CHST9: variants seen among roughly 807,000 people sequenced by gnomAD.
CHST9 encodes GalNAc-4-sulfotransferase 2.
Under a neutral mutation model 44.4 loss-of-function variants are expected in CHST9, and 41 were observed. The observed-to-expected ratio is 0.92, with a 90% CI of 0.72 to 1.20. The LOEUF (loss-of-function observed/expected upper bound fraction) is 1.20. Ranked by LOEUF, CHST9 falls within the 50% of genes most tolerant of loss-of-function variation. The pLI, the probability that CHST9 is intolerant of heterozygous loss-of-function variation, is 0.00. For synonymous variants in CHST9, 171 were observed against 178.4 expected (o/e 0.96, Z 0.33); for missense variants, 504 against 516.5 (o/e 0.98, Z 0.23).
At chr18:26,969,122 C>T (rs1467414348) in intron 4 of CHST9, among the ~76,000 whole-genome samples, 1 of 151,970 alleles carries the variant, frequency 6.6e-6, no homozygotes, top group Admixed American at 6.5e-5. Context: ...CCTCAGCCTC[C>T]CAAGTAGTTG....
intron 3 of CHST9, among the ~76,000 whole-genome samples, chr18:27,040,725 G>T (rs919945051): frequency 2.0e-5 from 3 of 152,132 alleles, no homozygotes; most frequent in Admixed American, 1.3e-4. Context: ...ATTCACTTTA[G>T]AAGGTTTTAA....
At chr18:27,123,534 A>C (rs150656393) in intron 2 of CHST9, among the ~76,000 whole-genome samples, 1 of 152,338 alleles carries the variant, frequency 6.6e-6, no homozygotes, top group East Asian at 1.9e-4. Context: ...TGTGGGTTTA[A>C]ATTCTACAGG....
intron 5 of CHST9, among the ~76,000 whole-genome samples, chr18:26,938,861 GGGAA>G (rs576397046): frequency 1.3e-5 from 2 of 152,156 alleles, no homozygotes; most frequent in South Asian, 4.2e-4. Flanking sequence ...TACCTGGGAG[GGGAA>G]GGAAGGATAC....
At position 26,915,348 on chromosome 18, in the gene CHST9, A is replaced by G; in HGVS notation, c.*911T>C. On this transcript the variant is annotated 3_prime_UTR_variant, in exon 6 of 6. Transcript: ENST00000618847. The stretch of plus-strand genomic sequence containing the variant: ...ATAAAGCTATGCACATGATGCTTTG[A>G]TTCAAATAATATACTTATAAAACTT... 5.5e-6 allele frequency: 1 copy of G among 182,136 alleles called. No homozygotes were observed. The highest frequency in any genetic ancestry group is 1.1e-5 in the Non-Finnish European group (1 of 88,378). The allele number at this position is 182,136 out of a possible 1,614,324, so 11.3% of individuals were successfully genotyped here.
intron 2 of CHST9, among the ~76,000 whole-genome samples, chr18:27,139,722 A>T (rs2058549066): frequency 6.6e-6 from 1 of 152,206 alleles, no homozygotes; most frequent in Admixed American, 6.5e-5. Flanking sequence ...CATTTAAAAT[A>T]TATCAAGAAT....
At chr18:27,085,284 C>T (rs1394834262) in intron 2 of CHST9, among the ~76,000 whole-genome samples, 1 of 152,066 alleles carries the variant, frequency 6.6e-6, no homozygotes, top group Non-Finnish European at 1.5e-5. Flanking sequence ...CCTAATTAAA[C>T]TAAAGAGCTT....
In CHST9 at chr18:26,916,896, A is replaced by G. The variant is rs1426996421; in HGVS notation, c.695T>C (p.Met232Thr). The G allele has an allele frequency of 6.2e-7, 1 of 1,613,952 alleles. No homozygotes were observed. The highest frequency in any genetic ancestry group is 2.2e-5 in the East Asian group (1 of 44,866). Residue 232 changes from methionine to threonine, a missense_variant, in exon 6 of 6, where the codon ATG becomes ACG. Met to Thr is a moderately conservative substitution (Grantham distance 81, BLOSUM62 -1). Coordinates refer to ENST00000618847, the MANE Select transcript of CHST9 (RefSeq NM_031422.6). The part of the protein sequence containing the change: ...AGCSNWKRIL[M>T]VLNGLASSAY... ...AGAGGAAGCCAATCCATTTAGTACC[A>G]TCAGAATTCTTTTCCAATTGGAACA...
intron 1 of CHST9, among the ~76,000 whole-genome samples, chr18:27,162,086 T>C (rs2058751923): frequency 6.6e-6 from 1 of 152,254 alleles, no homozygotes; most frequent in African/African-American, 2.4e-5. Flanking sequence ...TGTCTTTCAG[T>C]TGGAGCATTT....
Position 26,917,022 on chromosome 18 carries a change from C to G in CHST9, c.569G>C (p.Gly190Ala). The G allele has an allele frequency of 6.2e-7, 1 of 1,613,930 alleles. No individual in the cohort carries two copies. Among genetic ancestry groups the G allele is most frequent in the Non-Finnish European group, 8.5e-7 (1 of 1,179,878 alleles). Residue 190 changes from glycine (G) to alanine (A), a missense_variant, in exon 6 of 6, where the codon GGT (glycine) becomes GCT (alanine). Transcript: ENST00000618847. ...SFLQEFCKKY[G>A]GVSHHQSHLF... The stretch of plus-strand genomic sequence containing the variant: ...ATGTGACTGATGATGACTCACCCCA[C>G]CGTATTTCTTGCAAAACTCCTGAAG...
At chr18:27,006,166 C>CTGATG (rs2057013438) in intron 4 of CHST9, among the ~76,000 whole-genome samples, 1 of 152,166 alleles carries the variant, frequency 6.6e-6, no homozygotes, top group South Asian at 2.1e-4. Flanking sequence ...AATTTTCTCT[C>CTGATG]TGATGTAATC....
chr18:27,161,169 C>A (rs1487150241), intron 1 of CHST9, among the ~76,000 whole-genome samples: 4 of 151,992 alleles, frequency 2.6e-5, no homozygotes, highest in African/African-American at 7.3e-5. Flanking sequence ...AATGTGTTTG[C>A]TCTTGCTTCT....
Position 27,053,137 on chromosome 18 carries a change from GAAGAAGAA to G in CHST9, c.122-4642_122-4635del, listed in dbSNP as rs1568150795. ...AGAGGAGGAGGAAGAAGAGGAAGAAGAAGAAGAAGAAGAAGAAGAAGAAGAAGAAGAAG... is the reference window on the plus strand; with the variant it reads ...AGAGGAGGAGGAAGAAGAGGAAGAAGGAAGAAGAAGAAGAAGAAGAAGAAG... On this transcript the variant is annotated intron_variant, in intron 2 of 5. Coordinates refer to ENST00000618847, the MANE Select transcript of CHST9 (RefSeq NM_031422.6). 4.4e-3 allele frequency among the ~76,000 whole-genome samples: 367 copies of G among 83,790 alleles called. 3 individuals are homozygous for G. Among genetic ancestry groups the G allele is most frequent in the African/African-American group, 0.016 (346 of 21,570 alleles). The allele number at this position is 83,790 out of a possible 152,430, so 55.0% of individuals were successfully genotyped here.
chr18:27,005,468 G>T (rs2057005471), intron 4 of CHST9, among the ~76,000 whole-genome samples: 1 of 152,102 alleles, frequency 6.6e-6, no homozygotes, highest in South Asian at 2.1e-4. Context: ...ACTTCAAATC[G>T]ATGCTATTTT....
At chr18:27,023,501 C>T (rs1464699846) in intron 4 of CHST9, among the ~76,000 whole-genome samples, 3 of 152,220 alleles carry the variant, frequency 2.0e-5, no homozygotes, top group Non-Finnish European at 2.9e-5. Context: ...ATATCTACTT[C>T]ATGATCTTAA....
At chr18:27,183,357 A>G (rs556864486) in intron 1 of CHST9, among the ~76,000 whole-genome samples, 52 of 152,246 alleles carry the variant, frequency 3.4e-4, no homozygotes, top group Admixed American at 1.0e-3. Flanking sequence ...TGAAAATAAA[A>G]CATTGTGCTG....
intron 4 of CHST9, among the ~76,000 whole-genome samples, chr18:27,020,339 G>A (rs1022660972): frequency 1.3e-5 from 2 of 152,218 alleles, no homozygotes; most frequent in African/African-American, 2.4e-5. Context: ...ACAGTGGACC[G>A]AAAGAAATGT....
intron 2 of CHST9, among the ~76,000 whole-genome samples, chr18:27,138,070 CTG>C (rs1194873534): frequency 4.6e-5 from 7 of 152,194 alleles, no homozygotes; most frequent in Admixed American, 2.6e-4. Flanking sequence ...TGACAACTGA[CTG>C]TGCTGCTTCT....
chr18:27,025,175 T>C (rs1469800557), intron 3 of CHST9, among the ~76,000 whole-genome samples: 3 of 148,198 alleles, frequency 2.0e-5, no homozygotes, highest in Non-Finnish European at 4.5e-5. Flanking sequence ...ATAATACACT[T>C]ACATATATTA....
At chr18:27,161,136 T>C (rs568366756) in intron 1 of CHST9, among the ~76,000 whole-genome samples, 1 of 152,170 alleles carries the variant, frequency 6.6e-6, no homozygotes, top group Non-Finnish European at 1.5e-5. Context: ...TCTTAGTTAT[T>C]TCTTGCCTTC....
Sources: allele counts gnomAD v4.1 joint callset (sites outside exome capture counted in the v4.1 genomes callset), GRCh38; gene constraint gnomAD v4.1.1; transcripts MANE v1.5; gene names NCBI Gene and HGNC (gene_info 2026-07-23, HGNC 2026-07-21).